Variants in AHI1 observed in about 807,000 individuals in gnomAD.
AHI1 encodes the protein Abelson helper integration site 1.
A neutral mutation model predicts 149.3 loss-of-function variants in AHI1; 123 were observed. That is an observed-to-expected ratio of 0.82 (90% confidence interval 0.71 to 0.96). The LOEUF (loss-of-function observed/expected upper bound fraction) is 0.96. Among genes scored for constraint, AHI1 ranks in the 40% least tolerant of loss-of-function variants. The pLI, the probability that AHI1 is intolerant of heterozygous loss-of-function variation, is 0.00. For synonymous variants in AHI1, 475 were observed against 459.8 expected, an observed-to-expected ratio of 1.03 and a Z score of -0.42; for missense variants, 1,439 against 1,422.7, an observed-to-expected ratio of 1.01 and a Z score of -0.18.
At chr6:135,309,089 C>T (rs1259736524) in intron 26 of AHI1, among the ~76,000 whole-genome samples, 2 of 152,186 alleles carry the variant, frequency 1.3e-5, no homozygotes, top group African/African-American at 4.8e-5. Flanking sequence ...AGCAGTCAAA[C>T]AAGTTGCCAG....
intron 12 of AHI1, 63 bp downstream of exon 12, chr6:135,448,227 T>C: frequency 1.7e-6 from 2 of 1,181,150 alleles, no homozygotes; most frequent in Non-Finnish European, 2.3e-6. Context: ...ATGAAAAACA[T>C]GCTATGTCAC....
At chr6:135,409,854 G>T (rs1317254225) in intron 21 of AHI1, among the ~76,000 whole-genome samples, 1 of 152,114 alleles carries the variant, frequency 6.6e-6, no homozygotes, top group Admixed American at 6.5e-5. Context: ...GCACAGGAAG[G>T]CCTTTTGTAT....
intron 11 of AHI1, among the ~76,000 whole-genome samples, chr6:135,449,524 A>G (rs1008778062): frequency 6.6e-6 from 1 of 152,218 alleles, no homozygotes; most frequent in South Asian, 2.1e-4. Flanking sequence ...ACAAAACATG[A>G]AGTATCTTAA....
intron 22 of AHI1, among the ~76,000 whole-genome samples, chr6:135,398,513 A>G (rs144853050): frequency 1.2e-3 from 189 of 152,302 alleles, no homozygotes; most frequent in Non-Finnish European, 1.0e-3. Context: ...TTTAATCGTG[A>G]TTTTTGACCC....
At chr6:135,307,324 T>C (rs548610238) in intron 26 of AHI1, among the ~76,000 whole-genome samples, 17 of 152,322 alleles carry the variant, frequency 1.1e-4, no homozygotes, top group African/African-American at 4.1e-4. Flanking sequence ...TAAGTAATTA[T>C]AAAAATAATA....
Position 135,288,268 on chromosome 6 carries a change from C to T in AHI1, c.3588+2155G>A, listed in dbSNP as rs145813849. ...ATAGCCCCTGACTGGAAGCACTGGC[C>T]ATCTAATCAGAGTTAATATACAAAG... On this transcript the variant is annotated intron_variant, in intron 28 of 28. Transcript: ENST00000265602. 2.7e-3 allele frequency among the ~76,000 whole-genome samples: 406 copies of T among 152,118 alleles called. 7 individuals carry two copies. The highest frequency in any genetic ancestry group is 8.9e-3 in the African/African-American group (369 of 41,406).
chr6:135,310,970 G>C (rs1055944579), intron 26 of AHI1, among the ~76,000 whole-genome samples: 1 of 151,958 alleles, frequency 6.6e-6, no homozygotes, highest in Non-Finnish European at 1.5e-5. Flanking sequence ...GGGTATTTTG[G>C]TACCTAAAAA....
intron 28 of AHI1, chr6:135,286,444 T>TG (rs1781695682): frequency 1.3e-5 from 2 of 152,240 alleles, no homozygotes; most frequent in Admixed American, 6.5e-5. Flanking sequence ...GCTTAACACC[T>TG]GGTTGTCCTT....
intron 26 of AHI1, among the ~76,000 whole-genome samples, chr6:135,312,399 A>C (rs1351825469): frequency 6.6e-6 from 1 of 152,132 alleles, no homozygotes; most frequent in Non-Finnish European, 1.5e-5. Context: ...CTGTAATCTC[A>C]GCTACTTGGG....
intron 24 of AHI1, among the ~76,000 whole-genome samples, chr6:135,353,861 C>CA (rs1792542905): frequency 6.6e-6 from 1 of 152,084 alleles, no homozygotes; most frequent in Admixed American, 6.5e-5. Context: ...AAAATTCATT[C>CA]AGCCCTTAGA....
chr6:135,454,751 A>G (rs1788648869), intron 10 of AHI1, among the ~76,000 whole-genome samples: 1 of 152,232 alleles, frequency 6.6e-6, no homozygotes, highest in Admixed American at 6.5e-5. Context: ...AATACAGAAG[A>G]AAATTGTAAC....
At chr6:135,468,569 C>T (rs539668305) in intron 5 of AHI1, among the ~76,000 whole-genome samples, 29 of 152,014 alleles carry the variant, frequency 1.9e-4, no homozygotes, top group African/African-American at 6.0e-4. Flanking sequence ...CCAGGCGTGA[C>T]GGTGCACACC....
Position 135,457,472 on chromosome 6 carries a change from TTG to T in AHI1, c.1151+20_1151+21del, listed in dbSNP as rs760772437. On this transcript the variant is annotated intron_variant, in intron 9 of 28. Transcript: ENST00000265602. ...TACTAGTTTCAGTTTCAAGAATTAG[TTG>T]TGCAATTAAAAAAAATTACCTATCA... 1.2e-5 allele frequency: 19 copies of T among 1,559,938 alleles called. No homozygotes were observed. The highest frequency in any genetic ancestry group is 1.8e-6 in the Non-Finnish European group (2 of 1,138,928).
chr6:135,370,864 T>C (rs895620138), intron 23 of AHI1, among the ~76,000 whole-genome samples: 1 of 152,194 alleles, frequency 6.6e-6, no homozygotes, highest in African/African-American at 2.4e-5. Context: ...CCTGTTGATC[T>C]TGAATTCTTG....
chr6:135,306,789 T>G (rs1784580935), intron 26 of AHI1: 1 of 152,204 alleles, frequency 6.6e-6, no homozygotes, highest in African/African-American at 2.4e-5. Context: ...GTGCTAATGA[T>G]GCATCTGGCA....
intron 11 of AHI1, among the ~76,000 whole-genome samples, chr6:135,452,486 T>C (rs1371068565): frequency 1.3e-5 from 2 of 152,230 alleles, no homozygotes; most frequent in African/African-American, 4.8e-5. Context: ...AATTTCCTAA[T>C]GTGATTTTCA....
At chr6:135,412,674 A>G (rs1198815933) in intron 20 of AHI1, among the ~76,000 whole-genome samples, 1 of 152,184 alleles carries the variant, frequency 6.6e-6, no homozygotes, top group East Asian at 1.9e-4. Context: ...AAAATATTAA[A>G]TGTCTGTCTA....
At chr6:135,434,137 C>T (rs369162302) in intron 15 of AHI1, among the ~76,000 whole-genome samples, 33 of 151,794 alleles carry the variant, frequency 2.2e-4, no homozygotes, top group East Asian at 1.7e-3. Context: ...TGTATTCATC[C>T]TTTTAATTAC....
At chr6:135,482,893 G>GTTTTTTTTTTTTTTTT (rs1491384083) in intron 5 of AHI1, among the ~76,000 whole-genome samples, 43 of 5,770 alleles carry the variant, frequency 7.5e-3, no homozygotes, top group East Asian at 0.012. Flanking sequence ...TCCATTTAAG[G>GTTTTTTTTTTTTTTTT]CTTTTTTTTT....
Sources: allele counts gnomAD v4.1 joint callset (sites outside exome capture counted in the v4.1 genomes callset), GRCh38; gene constraint gnomAD v4.1.1; transcripts MANE v1.5; gene names NCBI Gene and HGNC (gene_info 2026-07-23, HGNC 2026-07-21).